The following GRIP1 variants were observed in gnomAD, a reference collection of about 807,000 sequenced individuals.
The protein encoded by GRIP1 is glutamate receptor interacting protein 1.
In GRIP1, 45 loss-of-function variants were observed where a neutral mutation model predicts 129.9. That is an observed-to-expected ratio of 0.35 (90% CI 0.27 to 0.44). The LOEUF (loss-of-function observed/expected upper bound fraction) is 0.44, where lower values mean the gene tolerates loss of function less well. Among genes scored for constraint, GRIP1 ranks in the 20% least tolerant of loss-of-function variants. GRIP1 has a pLI of 1.00. For synonymous variants in GRIP1, 530 were observed against 520.8 expected, an observed-to-expected ratio of 1.02 and a Z score of -0.24; for missense variants, 1,196 against 1,396.8, an observed-to-expected ratio of 0.86 and a Z score of 2.29.
At chr12:66,558,857 CCAAA>C (rs1247688822) in intron 2 of GRIP1, among the ~76,000 whole-genome samples, 1 of 151,984 alleles carries the variant, frequency 6.6e-6, no homozygotes, top group Non-Finnish European at 1.5e-5. Context: ...GATACCAAAA[CCAAA>C]CAAAGACACA....
Position 66,583,651 on chromosome 12 carries a change from G to A in GRIP1, c.136+13196C>T, listed in dbSNP as rs1383382298. ...ACATTTACGCAGCCAAAAAACACAT[G>A]AAAAAATGCTCATCATCACTGGCCA... On this transcript the variant is annotated intron_variant, in intron 2 of 24. Coordinates refer to ENST00000359742, the MANE Select transcript of GRIP1 (RefSeq NM_001366722.1). Among the ~76,000 whole-genome samples, 2 of 140,196 alleles carry A rather than the reference G, an allele frequency of 1.4e-5. 1 individual carries two copies. Among genetic ancestry groups the A allele is most frequent in the Non-Finnish European group, 3.2e-5 (2 of 63,104 alleles). The allele number at this position is 140,196 out of a possible 152,430, so 92.0% of individuals were successfully genotyped here. A position where few individuals can be genotyped will look rare whatever the true frequency, so the allele number is the denominator to read the frequency against.
chr12:66,981,230 C>T (rs979489220), intron 1 of GRIP1, among the ~76,000 whole-genome samples: 4 of 152,162 alleles, frequency 2.6e-5, no homozygotes, highest in Non-Finnish European at 4.4e-5. Context: ...GTGATCCATT[C>T]CTCTCTCGAA....
chr12:67,018,392 A>G (rs1299172073), intron 1 of GRIP1, among the ~76,000 whole-genome samples: 1 of 152,148 alleles, frequency 6.6e-6, no homozygotes, highest in Admixed American at 6.5e-5. Flanking sequence ...ATGCACCTTT[A>G]GCAATCTGTT....
intron 1 of GRIP1, among the ~76,000 whole-genome samples, chr12:67,010,856 G>A (rs1254799894): frequency 6.6e-6 from 1 of 151,826 alleles, no homozygotes; most frequent in Non-Finnish European, 1.5e-5. Context: ...CTAGGTTTCT[G>A]CCTACTCCTT....
intron 13 of GRIP1, among the ~76,000 whole-genome samples, chr12:66,440,838 T>C (rs1299188772): frequency 6.6e-6 from 1 of 152,182 alleles, no homozygotes; most frequent in Non-Finnish European, 1.5e-5. Context: ...CCTCACCAAA[T>C]GTCCCCTGGG....
At chr12:66,766,340 C>A (rs2037637237) in intron 1 of GRIP1, among the ~76,000 whole-genome samples, 1 of 152,184 alleles carries the variant, frequency 6.6e-6, no homozygotes, top group Non-Finnish European at 1.5e-5. Flanking sequence ...CCCAGGTCTT[C>A]CAGATCTGTG....
intron 1 of GRIP1, among the ~76,000 whole-genome samples, chr12:66,710,499 T>C (rs2035678844): frequency 6.6e-6 from 1 of 151,972 alleles, no homozygotes; most frequent in Non-Finnish European, 1.5e-5. Context: ...AATATTTGAA[T>C]CTGGTATTTA....
chr12:66,574,669 T>A (rs559524072), intron 2 of GRIP1, among the ~76,000 whole-genome samples: 1 of 152,332 alleles, frequency 6.6e-6, no homozygotes, highest in East Asian at 1.9e-4. Flanking sequence ...TCAACATGCA[T>A]CTCTGTACAG....
intron 2 of GRIP1, among the ~76,000 whole-genome samples, chr12:66,586,692 A>G (rs1183410985): frequency 8.5e-5 from 13 of 152,164 alleles, no homozygotes; most frequent in Non-Finnish European, 1.9e-4. Flanking sequence ...GAATTATCCC[A>G]GACTTCTCTT....
chr12:66,529,395 C>A lies in GRIP1; in HGVS notation c.502+436G>T, dbSNP rs951250332. Among the ~76,000 whole-genome samples the A allele has an allele frequency of 1.2e-4, 19 of 152,270 alleles. 1 individual carries two copies. Among genetic ancestry groups the A allele is most frequent in the African/African-American group, 3.4e-4 (14 of 41,550 alleles). Reference sequence around the variant, plus strand: ...AAAAATATGGAACCAGCCCAAATACCCATCAATCAACTAGTGGATAAAGAA... The same window carrying A: ...AAAAATATGGAACCAGCCCAAATACACATCAATCAACTAGTGGATAAAGAA... On this transcript the variant is annotated intron_variant, in intron 5 of 24. Transcript: ENST00000359742.
intron 1 of GRIP1, among the ~76,000 whole-genome samples, chr12:67,017,997 C>T (rs2042812888): frequency 6.6e-6 from 1 of 152,174 alleles, no homozygotes; most frequent in Admixed American, 6.5e-5. Flanking sequence ...TGGTTTGTTA[C>T]ACCACAACAG....
chr12:66,675,992 A>T (rs1320322240), intron 1 of GRIP1, among the ~76,000 whole-genome samples: 1 of 152,184 alleles, frequency 6.6e-6, no homozygotes, highest in Non-Finnish European at 1.5e-5. Context: ...TTTACCTGAA[A>T]TATATTCTAC....
At chr12:66,567,102 G>GT (rs967842679) in intron 2 of GRIP1, among the ~76,000 whole-genome samples, 1 of 152,014 alleles carries the variant, frequency 6.6e-6, no homozygotes. Context: ...TTTTTTGAAG[G>GT]TTTTTTTGTG....
At chr12:66,830,989 A>G (rs2039506515) in intron 1 of GRIP1, among the ~76,000 whole-genome samples, 1 of 151,742 alleles carries the variant, frequency 6.6e-6, no homozygotes, top group African/African-American at 2.4e-5. Flanking sequence ...TGGGACTACA[A>G]GCATGTGCCA....
intron 1 of GRIP1, among the ~76,000 whole-genome samples, chr12:67,040,224 C>G (rs1048753569): frequency 3.1e-5 from 4 of 129,430 alleles, no homozygotes; most frequent in Admixed American, 2.3e-4. Context: ...CCCCCACCCC[C>G]CCAGCAAAGT....
At chr12:66,770,307 G>A (rs918707838) in intron 1 of GRIP1, among the ~76,000 whole-genome samples, 6 of 152,110 alleles carry the variant, frequency 3.9e-5, no homozygotes, top group African/African-American at 1.4e-4. Context: ...TTCAAACTAA[G>A]TTATTGTTCA....
chr12:66,912,999 T>A (rs1337066396), intron 1 of GRIP1, among the ~76,000 whole-genome samples: 18 of 152,216 alleles, frequency 1.2e-4, no homozygotes, highest in Non-Finnish European at 2.1e-4. Context: ...AACATGAATG[T>A]GCAAAATTAA....
chr12:66,807,477 T>A (rs2039016617), upstream of GRIP1, among the ~76,000 whole-genome samples: 1 of 152,104 alleles, frequency 6.6e-6, no homozygotes, highest in Non-Finnish European at 1.5e-5. Context: ...ATCGAGACCA[T>A]CCTGGCTAAC....
At chr12:66,489,349 G>A (rs879659181) in intron 7 of GRIP1, among the ~76,000 whole-genome samples, 13 of 152,064 alleles carry the variant, frequency 8.5e-5, no homozygotes, top group Admixed American at 2.0e-4. Flanking sequence ...GTGATTCATC[G>A]CATAAGCAGC....
Sources: gnomAD v4.1 joint callset for allele counts (sites outside exome capture counted in the v4.1 genomes callset) on GRCh38, gnomAD v4.1.1 for gene constraint, MANE v1.5 for transcripts, NCBI Gene and HGNC (gene_info 2026-07-23, HGNC 2026-07-21) for gene names.